RPS6KA6: variants seen among roughly 807,000 people sequenced by gnomAD.
RPS6KA6 encodes the protein ribosomal protein S6 kinase alpha-6.
RPS6KA6 carries 27 observed loss-of-function variants against 65.4 expected under a neutral mutation model. The ratio of observed to expected loss-of-function variants is 0.41; its 90% CI spans 0.30 to 0.57. The LOEUF (loss-of-function observed/expected upper bound fraction) is 0.57. RPS6KA6 is among the 20% of genes least tolerant of loss of function. The pLI is 0.24. For synonymous variants in RPS6KA6, 190 were observed against 184.2 expected (o/e 1.03, Z -0.26); for missense variants, 486 against 555.6 (o/e 0.87, Z 1.26).
rs112119004 is a variant in RPS6KA6, at chrX:84,146,887, T to G, written c.421+91A>C. 3,024 of 464,592 alleles carry G rather than the reference T, an allele frequency of 6.5e-3. 79 individuals are homozygous for G. In the African/African-American group the frequency reaches 0.066, roughly 10 times the overall value. 38.3% of individuals were successfully genotyped at this position (464,592 alleles called of 1,213,427 possible). On this transcript the variant is annotated intron_variant, in intron 5 of 21. Transcript: ENST00000262752. ...AGTCTAAAGTATTTATTTCCTGTTA[T>G]AGTATTGTGTGAAAGGAAATCATAA... is the stretch of plus-strand genomic sequence containing the variant.
intron 6 of RPS6KA6, among the ~76,000 whole-genome samples, chrX:84,137,468 A>ATT (rs1031874048): frequency 9.0e-6 from 1 of 110,715 alleles, no homozygotes; most frequent in African/African-American, 3.3e-5. Flanking sequence ...TGAATTAAGA[A>ATT]TTTTTTTTTA....
At chrX:84,094,659 T>A (rs1194825117) in intron 20 of RPS6KA6, among the ~76,000 whole-genome samples, 2 of 108,039 alleles carry the variant, frequency 1.9e-5, no homozygotes, top group South Asian at 3.9e-4. Flanking sequence ...AAAATAAAAA[T>A]AAATAAATAA....
intron 12 of RPS6KA6, among the ~76,000 whole-genome samples, chrX:84,109,490 T>C (rs2034427736): frequency 1.8e-5 from 2 of 111,142 alleles, no homozygotes; most frequent in Admixed American, 9.5e-5. Context: ...TGATCAGCCA[T>C]AGGGACCCAA....
At chrX:84,183,079 T>C (rs2035881076) in intron 1 of RPS6KA6, among the ~76,000 whole-genome samples, 1 of 112,159 alleles carries the variant, frequency 8.9e-6, no homozygotes, top group African/African-American at 3.2e-5. Context: ...CAATACAATA[T>C]TAGAAAGGGG....
intron 1 of RPS6KA6, among the ~76,000 whole-genome samples, chrX:84,185,608 T>A (rs2035917671): frequency 8.9e-6 from 1 of 112,145 alleles, no homozygotes; most frequent in Admixed American, 9.4e-5. Context: ...TATATGGTAG[T>A]GTCTATAATC....
At chrX:84,148,491 T>C (rs1467293333) in intron 3 of RPS6KA6, among the ~76,000 whole-genome samples, 1 of 111,452 alleles carries the variant, frequency 9.0e-6, no homozygotes. Context: ...AAAAAAACTG[T>C]TATGATTTAA....
intron 21 of RPS6KA6, 69 bp from the exon 22 acceptor site, chrX:84,064,471 A>G (rs923263406): frequency 1.0e-6 from 1 of 976,899 alleles, no homozygotes; most frequent in Non-Finnish European, 1.4e-6. Flanking sequence ...AAACTTTCAC[A>G]TGATATCATG....
intron 1 of RPS6KA6, among the ~76,000 whole-genome samples, chrX:84,171,669 T>C (rs1465661042): frequency 8.9e-6 from 1 of 111,797 alleles, no homozygotes; most frequent in East Asian, 2.8e-4. Flanking sequence ...GTAATTCCTT[T>C]TTTTAAAATT....
Position 84,102,068 on chromosome X carries a change from G to T in RPS6KA6, c.1745C>A (p.Pro582Gln). The change falls in exon 18 of 22, where the codon CCA (proline) becomes CAA (glutamine). Residue 582 changes from proline to glutamine, a missense_variant. Pro to Gln is a moderately conservative substitution (Grantham distance 76). Coordinates refer to ENST00000262752, the MANE Select transcript of RPS6KA6 (RefSeq NM_014496.5). ...LRGENGLLLT[P>Q]CYTANFVAPE... ...TGCAACAAAGTTTGCAGTGTAGCAT[G>T]GAGTTAAGAGAAGTCCATTTTCTCC... 1.7e-6 allele frequency: 2 copies of T among 1,198,043 alleles called. No individual in the cohort carries two copies. Among genetic ancestry groups the T allele is most frequent in the Non-Finnish European group, 2.3e-6 (2 of 888,400 alleles).
At chrX:84,134,376 CTA>C (rs1391387969) in intron 8 of RPS6KA6, among the ~76,000 whole-genome samples, 1 of 111,032 alleles carries the variant, frequency 9.0e-6, no homozygotes, top group African/African-American at 3.3e-5. Flanking sequence ...CTGTATGATT[CTA>C]TTTCTATATC....
chrX:84,116,168 C>A, intron 12 of RPS6KA6, 61 bp downstream of exon 12: 3 of 621,350 alleles, frequency 4.8e-6, no homozygotes, highest in East Asian at 3.6e-5. Flanking sequence ...AGCAATAAAT[C>A]TTTAATATCC....
intron 14 of RPS6KA6, among the ~76,000 whole-genome samples, chrX:84,106,706 C>T (rs887178098): frequency 9.0e-6 from 1 of 111,154 alleles, no homozygotes; most frequent in Admixed American, 9.6e-5. Context: ...CTATTTTATT[C>T]AAAAGAGGCC....
At chrX:84,167,849 T>C (rs936162835) in intron 1 of RPS6KA6, among the ~76,000 whole-genome samples, 3 of 110,942 alleles carry the variant, frequency 2.7e-5, no homozygotes, top group African/African-American at 9.8e-5. Flanking sequence ...TGGATTGTGA[T>C]GATGGTTACA....
At chrX:84,077,182 C>T (rs1437423262) in intron 20 of RPS6KA6, among the ~76,000 whole-genome samples, 1 of 111,369 alleles carries the variant, frequency 9.0e-6, no homozygotes, top group Non-Finnish European at 1.9e-5. Context: ...TGATCTATAG[C>T]TCCATCACCA....
chrX:84,147,286 G>A (rs1280891254), intron 4 of RPS6KA6, among the ~76,000 whole-genome samples: 1 of 111,665 alleles, frequency 9.0e-6, no homozygotes, highest in East Asian at 2.8e-4. Context: ...TAGCTAATAT[G>A]CATTTATTAT....
chrX:84,062,782 A>G lies in RPS6KA6; in HGVS notation c.*1495T>C, dbSNP rs976334653. 6 of 111,607 alleles carry G rather than the reference A, an allele frequency of 5.4e-5. No individual in the cohort carries two copies. The highest frequency in any genetic ancestry group is 1.1e-4 in the Non-Finnish European group (6 of 53,020). The allele number at this position is 111,607 out of a possible 1,213,427, so 9.2% of individuals were successfully genotyped here. A position where few individuals can be genotyped will look rare whatever the true frequency, so the allele number is the denominator to read the frequency against. On this transcript the variant is annotated 3_prime_UTR_variant, in exon 22 of 22. Transcript: ENST00000262752. ...TAAATTGTATAATTCAGCACTCAGT[A>G]ATCAACTTTCTCTCTGAATAAAGCA...
At chrX:84,125,361 T>C (rs758360634) in intron 8 of RPS6KA6, among the ~76,000 whole-genome samples, 63 of 111,768 alleles carry the variant, frequency 5.6e-4, no homozygotes, top group Non-Finnish European at 3.6e-4. Flanking sequence ...CATAGTACAA[T>C]AAGACATAAA....
At chrX:84,124,411 C>A (rs935797099) in intron 8 of RPS6KA6, among the ~76,000 whole-genome samples, 1 of 111,177 alleles carries the variant, frequency 9.0e-6, no homozygotes, top group Non-Finnish European at 1.9e-5. Flanking sequence ...CTAAAGATAA[C>A]GAAGAGAAGG....
At chrX:84,107,430 GAT>G (rs2034381948) in intron 13 of RPS6KA6, among the ~76,000 whole-genome samples, 191 bp downstream of exon 13, 1 of 112,192 alleles carries the variant, frequency 8.9e-6, no homozygotes, top group African/African-American at 3.2e-5. Flanking sequence ...CTTCCTTCCT[GAT>G]AAATATTTCC....
Sources: allele counts gnomAD v4.1 joint callset (sites outside exome capture counted in the v4.1 genomes callset), GRCh38; gene constraint gnomAD v4.1.1; transcripts MANE v1.5; gene names NCBI Gene and HGNC (gene_info 2026-07-23, HGNC 2026-07-21).